Variants in SUPT20H observed in about 807,000 individuals in gnomAD.
The protein encoded by SUPT20H is transcription factor SPT20 homolog.
Under a neutral mutation model 122.8 loss-of-function variants are expected in SUPT20H, and 82 were observed. The ratio of observed to expected loss-of-function variants is 0.67; its 90% CI spans 0.56 to 0.80. The LOEUF (loss-of-function observed/expected upper bound fraction) is 0.80. Among genes scored for constraint, SUPT20H ranks in the 30% least tolerant of loss-of-function variants. The probability of loss-of-function intolerance (pLI) is 0.00; values close to 1 mark genes in which losing one functional copy is unlikely to be tolerated. For missense variants in SUPT20H, 831 were observed against 921.6 expected (o/e 0.90, Z 1.27); for synonymous variants, 291 against 313.0 (o/e 0.93, Z 0.74).
At chr13:37,017,433 A>G (rs780723405) in intron 22 of SUPT20H, 69 bp from the exon 23 acceptor site, 60 of 1,447,244 alleles carry the variant, frequency 4.1e-5, no homozygotes, top group Non-Finnish European at 5.5e-5. Context: ...AATTTATTCT[A>G]CAAATATTTT....
At chr13:37,021,976 A>AT (rs748922950) in intron 20 of SUPT20H, 35 bp downstream of exon 20, 2 of 1,523,414 alleles carry the variant, frequency 1.3e-6, no homozygotes, top group Non-Finnish European at 1.8e-6. Flanking sequence ...AACTATCTTT[A>AT]TAAAAAAAAA....
intron 7 of SUPT20H, among the ~76,000 whole-genome samples, chr13:37,042,368 T>C (rs534624284): frequency 2.6e-5 from 4 of 152,150 alleles, no homozygotes; most frequent in Admixed American, 6.5e-5. Flanking sequence ...ATATAAGCAA[T>C]AGACTAAGTA....
chr13:37,031,995 TTA>T (rs2063424912), intron 10 of SUPT20H, 100 bp from the exon 11 acceptor site: 1 of 1,078,662 alleles, frequency 9.3e-7, no homozygotes, highest in Admixed American at 3.1e-5. Flanking sequence ...CAAATCGTGT[TTA>T]TAGAACACTG....
intron 20 of SUPT20H, 121 bp from the exon 21 acceptor site, chr13:37,021,723 AAT>A: frequency 8.4e-7 from 1 of 1,186,658 alleles, no homozygotes; most frequent in East Asian, 2.6e-5. Flanking sequence ...ATCTGTCTTA[AAT>A]ATCAAAGAAA....
chr13:37,014,887 C>T (rs2060175010), intron 23 of SUPT20H, among the ~76,000 whole-genome samples: 1 of 152,162 alleles, frequency 6.6e-6, no homozygotes, highest in Non-Finnish European at 1.5e-5. Flanking sequence ...CTGACACACA[C>T]ACCAGTGAAA....
intron 14 of SUPT20H, 79 bp downstream of exon 14, chr13:37,028,069 T>C: frequency 7.7e-7 from 1 of 1,301,784 alleles, no homozygotes; most frequent in Non-Finnish European, 1.0e-6. Context: ...TATTCATTAA[T>C]GGTTCATCAG....
At chr13:37,010,715 G>A in intron 24 of SUPT20H, 60 bp from the exon 25 acceptor site, 1 of 1,192,288 alleles carries the variant, frequency 8.4e-7, no homozygotes, top group South Asian at 1.3e-5. Flanking sequence ...ACCAGGGTTA[G>A]AAAAGGACAA....
intron 7 of SUPT20H, 61 bp downstream of exon 7, chr13:37,044,017 C>T: frequency 2.0e-6 from 2 of 1,010,454 alleles, no homozygotes; most frequent in Non-Finnish European, 3.0e-6. Flanking sequence ...AAAAATGTGA[C>T]ATATATATAT....
chr13:37,010,511 G>C, intron 25 of SUPT20H, 41 bp downstream of exon 25: 1 of 1,550,440 alleles, frequency 6.4e-7, no homozygotes. Context: ...TTGGAGCTGA[G>C]TATCTTTAAA....
rs1304079156 is a variant in SUPT20H, at chr13:37,031,571, A to G, written c.917T>C (p.Val306Ala). ...SPCNLAIPSE[V>A]DVEKYAKVEK... ...GTAATTCATGAACTGACTTACATCT[A>G]CTTCAGAAGGTATGGCCAAATTACA... Residue 306 changes from valine to alanine, a missense_variant, in exon 12 of 26, where the codon GTA becomes GCA. Val to Ala is a moderately conservative substitution (Grantham distance 64, BLOSUM62 0). Coordinates refer to ENST00000350612, the MANE Select transcript of SUPT20H (RefSeq NM_001014286.3). 4.5e-6 allele frequency: 7 copies of G among 1,554,156 alleles called. No individual in the cohort carries two copies. The highest frequency in any genetic ancestry group is 1.4e-5 in the African/African-American group (1 of 71,894).
In SUPT20H at chr13:37,037,038, T is replaced by TA. The variant is rs539341835; in HGVS notation, c.567+3366dup. On this transcript the variant is annotated intron_variant, in intron 9 of 25. Coordinates refer to ENST00000350612, the MANE Select transcript of SUPT20H (RefSeq NM_001014286.3). ...AGTGAAATCCTGTCTCTACCAAAAA[T>TA]AAAAAAAAATTAGCTGGGCATGGTG... Among the ~76,000 whole-genome samples, 20 of 150,204 alleles carry TA rather than the reference T, an allele frequency of 1.3e-4. No individual in the cohort carries two copies. The East Asian group carries it at 3.5e-3, about 27-fold the overall frequency.
At chr13:37,025,537 G>A (rs1340335231) in intron 16 of SUPT20H, 100 bp from the exon 17 acceptor site, 4 of 734,964 alleles carry the variant, frequency 5.4e-6, no homozygotes, top group Non-Finnish European at 8.9e-6. Flanking sequence ...CAAAAAGAAA[G>A]TTCTATCAAA....
intron 9 of SUPT20H, among the ~76,000 whole-genome samples, chr13:37,035,656 C>T (rs1181050681): frequency 2.0e-5 from 3 of 151,986 alleles, no homozygotes; most frequent in Non-Finnish European, 4.4e-5. Context: ...CTAAGCCTCC[C>T]GAGTAGCTGG....
Position 37,043,245 on chromosome 13 carries a change from AAG to A in SUPT20H, c.396+831_396+832del, listed in dbSNP as rs539484830. Among the ~76,000 whole-genome samples the A allele has an allele frequency of 1.3e-5, 2 of 152,316 alleles. 1 individual carries two copies. The highest frequency in any genetic ancestry group is 4.1e-4 in the South Asian group (2 of 4,826). On this transcript the variant is annotated intron_variant, in intron 7 of 25. Coordinates refer to ENST00000350612, the MANE Select transcript of SUPT20H (RefSeq NM_001014286.3). ...TTTAACGGGAAGGCAGGCAGATATGAAGAGAGAGGTAGGGATGCTAGTCGACT... is the reference window on the plus strand; with the variant it reads ...TTTAACGGGAAGGCAGGCAGATATGAAGAGAGGTAGGGATGCTAGTCGACT...
chr13:37,050,949 A>G (rs545203150), intron 2 of SUPT20H, among the ~76,000 whole-genome samples: 171 of 152,314 alleles, frequency 1.1e-3, no homozygotes, highest in African/African-American at 3.9e-3. Flanking sequence ...AAAACATTAA[A>G]AAGTGTTTTT....
At position 37,048,616 on chromosome 13, in the gene SUPT20H, G is replaced by A; in HGVS notation, c.4-17C>T. 3 of 1,589,924 alleles carry A rather than the reference G, an allele frequency of 1.9e-6. No homozygotes were observed. Among genetic ancestry groups the A allele is most frequent in the Non-Finnish European group, 2.6e-6 (3 of 1,170,116 alleles). On this transcript the variant is annotated splice_polypyrimidine_tract_variant and intron_variant, in intron 2 of 25. Coordinates refer to ENST00000350612, the MANE Select transcript of SUPT20H (RefSeq NM_001014286.3). The stretch of plus-strand genomic sequence containing the variant: ...AGCTTGTTGCTGTAAAAAGTAAATA[G>A]TATATTTGGTAATATTAGTTATTTC...
chr13:37,026,507 A>T (rs1282013248), intron 15 of SUPT20H, among the ~76,000 whole-genome samples: 1 of 152,152 alleles, frequency 6.6e-6, no homozygotes, highest in Non-Finnish European at 1.5e-5. Context: ...TTAAAACATA[A>T]TCTGGGCTGA....
rs1206057456 is a variant in SUPT20H at position 37,017,316 on chromosome 13, G to A, written c.1921C>T (p.Gln641Ter). The A allele has an allele frequency of 1.9e-6, 3 of 1,614,092 alleles. No individual in the cohort carries two copies. The highest frequency in any genetic ancestry group is 2.5e-6 in the Non-Finnish European group (3 of 1,179,986). The change falls in exon 23 of 26, where the codon CAG becomes TAG. Residue 641 changes from glutamine (Q) to a stop codon, truncating the protein, a stop_gained. Transcript: ENST00000350612. LOFTEE classifies it high-confidence loss of function. ...TGTTGTGGTGTAAACTGGGAGAGCT[G>A]CTGTTGCTGCTGCTGCAGAGTGTTA... The part of the protein sequence containing the change: ...IFNTLQQQQQ[Q>*]LSQFTPQQPQ...
At chr13:37,019,255 T>G in intron 22 of SUPT20H, 87 bp downstream of exon 22, 3 of 957,258 alleles carry the variant, frequency 3.1e-6, no homozygotes, top group Non-Finnish European at 4.7e-6. Flanking sequence ...CCTCAGAATT[T>G]CAAGTGCTGA....
Sources: gnomAD v4.1 joint callset for allele counts (sites outside exome capture counted in the v4.1 genomes callset) on GRCh38, gnomAD v4.1.1 for gene constraint, MANE v1.5 for transcripts, NCBI Gene and HGNC (gene_info 2026-07-23, HGNC 2026-07-21) for gene names.